The following RPAP3 variants were observed in gnomAD, a reference collection of about 807,000 sequenced individuals.
RPAP3 encodes RNA polymerase II associated protein 3.
RPAP3 carries 58 observed loss-of-function variants against 88.8 expected under a neutral mutation model. The ratio of observed to expected loss-of-function variants is 0.65; its 90% CI spans 0.53 to 0.81. RPAP3 has a LOEUF of 0.81. Among genes scored for constraint, RPAP3 ranks in the 40% least tolerant of loss-of-function variants. The probability of loss-of-function intolerance (pLI) is 0.00; values close to 1 mark genes in which losing one functional copy is unlikely to be tolerated. For missense variants in RPAP3, 751 were observed against 764.3 expected, an observed-to-expected ratio of 0.98 and a Z score of 0.20; for synonymous variants, 255 against 259.9, an observed-to-expected ratio of 0.98 and a Z score of 0.18.
At chr12:47,704,967 C>T (rs1447168210) in intron 1 of RPAP3, among the ~76,000 whole-genome samples, 2 of 151,208 alleles carry the variant, frequency 1.3e-5, no homozygotes, top group Admixed American at 6.6e-5. Context: ...GGGCCCACTA[C>T]ACTCCAGCCT....
At chr12:47,671,620 ATATTAAGT>A (rs1565714073) in intron 12 of RPAP3, among the ~76,000 whole-genome samples, 1 of 152,244 alleles carries the variant, frequency 6.6e-6, no homozygotes, top group East Asian at 1.9e-4. Flanking sequence ...AAGAATAATC[ATATTAAGT>A]TAAGGCCTAT....
At chr12:47,685,670 T>C (rs930944173) in intron 9 of RPAP3, among the ~76,000 whole-genome samples, 5 of 152,246 alleles carry the variant, frequency 3.3e-5, no homozygotes, top group African/African-American at 1.2e-4. Context: ...CACTTGCTTG[T>C]TGATCAGTAC....
At chr12:47,692,556 C>T (rs1939448864) in intron 5 of RPAP3, among the ~76,000 whole-genome samples, 1 of 152,232 alleles carries the variant, frequency 6.6e-6, no homozygotes, top group African/African-American at 2.4e-5. Flanking sequence ...GAGCCTTGCA[C>T]TGGATTAGAC....
chr12:47,673,527 A>G (rs1939043713), intron 12 of RPAP3, among the ~76,000 whole-genome samples: 1 of 151,856 alleles, frequency 6.6e-6, no homozygotes, highest in African/African-American at 2.4e-5. Flanking sequence ...TCTATTTGCT[A>G]CTACTAACTA....
rs1003052726 is a variant in RPAP3 at position 47,696,435 on chromosome 12, T to C, written c.418-32A>G. Reference sequence around the variant, plus strand: ...GAAAATTATATAAAATGATCTTTTTTACAAATTCTGAAATTCACTACAGTT... The same window carrying C: ...GAAAATTATATAAAATGATCTTTTTCACAAATTCTGAAATTCACTACAGTT... On this transcript the variant is annotated intron_variant, in intron 4 of 16. Coordinates refer to ENST00000005386, the MANE Select transcript of RPAP3 (RefSeq NM_024604.3). 10 of 1,499,722 alleles carry C rather than the reference T, an allele frequency of 6.7e-6. No individual in the cohort carries two copies. The South Asian group carries it at 1.1e-4, about 17-fold the overall frequency. The allele number at this position is 1,499,722 out of a possible 1,614,324, so 92.9% of individuals were successfully genotyped here. A position where few individuals can be genotyped will look rare whatever the true frequency, so the allele number is the denominator to read the frequency against.
intron 12 of RPAP3, among the ~76,000 whole-genome samples, chr12:47,678,705 T>C (rs1195558810): frequency 6.6e-6 from 1 of 152,138 alleles, no homozygotes; most frequent in Non-Finnish European, 1.5e-5. Context: ...TGAGATACCA[T>C]CTCATGCCAG....
chr12:47,679,460 A>C, intron 12 of RPAP3, 33 bp downstream of exon 12: 1 of 1,390,722 alleles, frequency 7.2e-7, no homozygotes, highest in Non-Finnish European at 1.0e-6. Context: ...ACATATTTAA[A>C]TGGCAAGGAA....
At chr12:47,665,330 T>G (rs905694972) in intron 16 of RPAP3, among the ~76,000 whole-genome samples, 6 of 151,276 alleles carry the variant, frequency 4.0e-5, no homozygotes, top group African/African-American at 1.5e-4. Flanking sequence ...TTGGCCAGCC[T>G]GGTCTTGAGC....
At chr12:47,682,416 A>T (rs1431716068) in intron 9 of RPAP3, among the ~76,000 whole-genome samples, 2 of 152,176 alleles carry the variant, frequency 1.3e-5, no homozygotes, top group Admixed American at 1.3e-4. Flanking sequence ...ATAACAAAAA[A>T]ACTTCAGACA....
intron 10 of RPAP3, among the ~76,000 whole-genome samples, chr12:47,680,939 T>C (rs901788594): frequency 1.3e-4 from 20 of 150,284 alleles, no homozygotes; most frequent in African/African-American, 4.4e-4. Flanking sequence ...CTTCCTCTGC[T>C]TACTGGGATT....
At chr12:47,669,390 A>T (rs1461254726) in intron 13 of RPAP3, among the ~76,000 whole-genome samples, 6 of 152,164 alleles carry the variant, frequency 3.9e-5, no homozygotes, top group African/African-American at 1.4e-4. Context: ...TTCAATTACC[A>T]TGTCACATAC....
At position 47,696,338 on chromosome 12, in the gene RPAP3, A is replaced by G. The variant is rs777790875; in HGVS notation, c.483T>C (p.Asp161=). 6.2e-7 allele frequency: 1 copy of G among 1,602,022 alleles called. No individual in the cohort carries two copies. The highest frequency in any genetic ancestry group is 1.1e-5 in the South Asian group (1 of 88,442). Residue 161 remains aspartate, a synonymous_variant, in exon 5 of 17, where the codon GAT becomes GAC. Coordinates refer to ENST00000005386, the MANE Select transcript of RPAP3 (RefSeq NM_024604.3). Reference sequence around the variant, plus strand: ...GCAACACGGGATTATATGGATCGGCATCCATGCCTTTTGTGTAGCAGTCAA... The same window carrying G: ...GCAACACGGGATTATATGGATCGGCGTCCATGCCTTTTGTGTAGCAGTCAA... The part of the protein sequence containing the change: ...EAIDCYTKGM[D]ADPYNPVLPT...
chr12:47,698,895 T>C (rs1592487355), intron 3 of RPAP3, among the ~76,000 whole-genome samples: 1 of 152,214 alleles, frequency 6.6e-6, no homozygotes, highest in African/African-American at 2.4e-5. Context: ...ACTAAAGTTA[T>C]TTACGTAGGA....
At chr12:47,674,013 TC>T (rs746846516) in intron 12 of RPAP3, among the ~76,000 whole-genome samples, 2 of 147,142 alleles carry the variant, frequency 1.4e-5, no homozygotes, top group Non-Finnish European at 3.0e-5. Flanking sequence ...TAAAAAGTTA[TC>T]CCAAAACTCT....
chr12:47,684,371 G>A (rs1392901450), intron 9 of RPAP3, among the ~76,000 whole-genome samples: 1 of 152,112 alleles, frequency 6.6e-6, no homozygotes, highest in East Asian at 1.9e-4. Context: ...TATACTGCTG[G>A]TTCTAATTAG....
chr12:47,689,542 T>C (rs986193336), intron 6 of RPAP3, among the ~76,000 whole-genome samples: 9 of 152,148 alleles, frequency 5.9e-5, no homozygotes, highest in East Asian at 1.9e-4. Context: ...TTTCTCCTCA[T>C]TGGGCAGGTT....
In RPAP3 at chr12:47,661,350, G is replaced by A. The variant is rs1251053614; in HGVS notation, c.*2155C>T. On this transcript the variant is annotated 3_prime_UTR_variant, in exon 17 of 17. Transcript: ENST00000005386. The stretch of plus-strand genomic sequence containing the variant: ...CTGTTCTTTATTCTAATCACTTTTA[G>A]GAAATGTTGGTAATTGTAATAATAA... The A allele has an allele frequency of 7.4e-6, 1 of 134,850 alleles. No individual in the cohort carries two copies. Among genetic ancestry groups the A allele is most frequent in the Non-Finnish European group, 1.6e-5 (1 of 62,266 alleles). The allele number at this position is 134,850 out of a possible 1,614,324, so 8.4% of individuals were successfully genotyped here.
At chr12:47,679,834 C>T in intron 10 of RPAP3, 60 bp from the exon 11 acceptor site, 1 of 1,118,870 alleles carries the variant, frequency 8.9e-7, no homozygotes, top group Admixed American at 1.9e-5. Flanking sequence ...TTCATATTCG[C>T]ATGTATATTC....
intron 1 of RPAP3, among the ~76,000 whole-genome samples, chr12:47,705,036 G>A (rs144125046): frequency 1.2e-3 from 179 of 152,244 alleles, no homozygotes; most frequent in African/African-American, 4.0e-3. Context: ...AGATTATATG[G>A]AGATTACAGT....
Sources: gnomAD v4.1 joint callset for allele counts (sites outside exome capture counted in the v4.1 genomes callset) on GRCh38, gnomAD v4.1.1 for gene constraint, MANE v1.5 for transcripts, NCBI Gene and HGNC (gene_info 2026-07-23, HGNC 2026-07-21) for gene names.